The following PPIG variants were observed in gnomAD, a reference collection of about 807,000 sequenced individuals.
PPIG encodes peptidyl-prolyl cis-trans isomerase G.
Under a neutral mutation model 87.9 loss-of-function variants are expected in PPIG, and 26 were observed. The ratio of observed to expected loss-of-function variants is 0.30; its 90% CI spans 0.22 to 0.41. The LOEUF (loss-of-function observed/expected upper bound fraction) is 0.41. PPIG is among the 10% of genes least tolerant of loss of function. PPIG has a pLI of 1.00. For synonymous variants in PPIG, 308 were observed against 276.5 expected (o/e 1.11, Z -1.13); for missense variants, 722 against 879.4 (o/e 0.82, Z 2.26).
At chr2:169,590,124 A>G (rs1684820149) in intron 1 of PPIG, among the ~76,000 whole-genome samples, 1 of 126,358 alleles carries the variant, frequency 7.9e-6, no homozygotes, top group African/African-American at 3.0e-5. Flanking sequence ...AACAACGACA[A>G]CAACCAAAAA....
rs1686175431 is a variant in PPIG at position 169,636,117 on chromosome 2, G to C, written c.1043G>C (p.Arg348Thr). 6.2e-7 allele frequency: 1 copy of C among 1,604,622 alleles called. No homozygotes were observed. The highest frequency in any genetic ancestry group is 8.5e-7 in the Non-Finnish European group (1 of 1,176,898). The change falls in exon 13 of 14, where the codon AGA (arginine) becomes ACA (threonine). Residue 348 changes from arginine (R) to threonine (T), a missense_variant. Arg to Thr is a moderately conservative substitution (Grantham distance 71). Transcript: ENST00000260970. ...CGTTATCGAACTCCTTCCAGATCCAGATCAAGGGATCGTTTCAGACGTAGT... is the reference window on the plus strand; with the variant it reads ...CGTTATCGAACTCCTTCCAGATCCACATCAAGGGATCGTTTCAGACGTAGT... ...PRRYRTPSRS[R>T]SRDRFRRSET...
At chr2:169,593,487 G>T (rs1023937931) in intron 1 of PPIG, among the ~76,000 whole-genome samples, 1 of 152,008 alleles carries the variant, frequency 6.6e-6, no homozygotes, top group Non-Finnish European at 1.5e-5. Context: ...AAGAAAACTA[G>T]AAAGAAGTAG....
Position 169,590,646 on chromosome 2 carries a change from A to AAAAC in PPIG, c.-70+6170_-70+6173dup, listed in dbSNP as rs923157906. ...TGACAGAGGGAGGCTCCCTCTCAGA[A>AAAAC]AAACAAACAAACAAACAGACCTTAG... On this transcript the variant is annotated intron_variant, in intron 1 of 13. Transcript: ENST00000260970. Among the ~76,000 whole-genome samples, 4 of 152,230 alleles carry AAAAC rather than the reference A, an allele frequency of 2.6e-5. 1 individual carries two copies. Among genetic ancestry groups the AAAAC allele is most frequent in the Non-Finnish European group, 2.9e-5 (2 of 67,996 alleles).
intron 1 of PPIG, among the ~76,000 whole-genome samples, chr2:169,602,669 G>A (rs1685217559): frequency 6.6e-6 from 1 of 152,148 alleles, no homozygotes; most frequent in African/African-American, 2.4e-5. Flanking sequence ...TTATACCTGG[G>A]TGGCTCATGT....
At chr2:169,608,179 A>G (rs530931816) in intron 6 of PPIG, among the ~76,000 whole-genome samples, 151 of 152,314 alleles carry the variant, frequency 9.9e-4, no homozygotes, top group Non-Finnish European at 1.9e-3. Context: ...AAAATTAATA[A>G]TATTTGAATC....
chr2:169,618,029 C>G (rs1390873737), intron 9 of PPIG, among the ~76,000 whole-genome samples: 2 of 152,174 alleles, frequency 1.3e-5, no homozygotes, highest in South Asian at 2.1e-4. Context: ...TGTGTTCCCT[C>G]AATACCTAGT....
At chr2:169,591,256 G>T (rs1470165220) in intron 1 of PPIG, among the ~76,000 whole-genome samples, 3 of 152,048 alleles carry the variant, frequency 2.0e-5, no homozygotes, top group African/African-American at 7.2e-5. Flanking sequence ...AAACTACAAG[G>T]ATAAATTTTT....
chr2:169,592,171 G>A (rs1684882357), intron 1 of PPIG, among the ~76,000 whole-genome samples: 1 of 150,048 alleles, frequency 6.7e-6, no homozygotes, highest in South Asian at 2.1e-4. Context: ...AAAATTGTAA[G>A]GGCTTAATTT....
rs114584157 is a variant in PPIG, at chr2:169,637,274, T to C, written c.2016T>C (p.Asn672=). 4.7e-4 allele frequency: 754 copies of C among 1,609,404 alleles called. 7 individuals carry two copies. In the African/African-American group the frequency reaches 9.1e-3, roughly 19 times the overall value. Residue 672 remains asparagine, a synonymous_variant, in exon 14 of 14, where the codon AAT becomes AAC. Transcript: ENST00000260970. ...TGTACTCTAAAAGTCGTGATCATAA[T>C]AGCTCAAATAACAGCAGGGAAAAAA... ...KRMYSKSRDH[N]SSNNSREKKA... is the part of the protein sequence containing the mutation.
chr2:169,622,713 C>A (rs1685788558), intron 9 of PPIG, among the ~76,000 whole-genome samples: 1 of 152,214 alleles, frequency 6.6e-6, no homozygotes, highest in Non-Finnish European at 1.5e-5. Flanking sequence ...TTTGAAAACA[C>A]ACACTTGGGC....
intron 2 of PPIG, 81 bp from the exon 3 acceptor site, chr2:169,603,945 T>A: frequency 9.4e-7 from 1 of 1,064,950 alleles, no homozygotes; most frequent in Admixed American, 2.2e-5. Context: ...TAATATTGTT[T>A]CACAGAATTT....
At chr2:169,628,937 TCCAAAAAAAA>T (rs1685964675) in intron 9 of PPIG, among the ~76,000 whole-genome samples, 1 of 53,374 alleles carries the variant, frequency 1.9e-5, no homozygotes, top group African/African-American at 1.1e-4. Context: ...AGACCCTGTC[TCCAAAAAAAA>T]AAAAAAAAAA....
Position 169,639,350 on chromosome 2 carries a change from G to A in PPIG, c.*1827G>A, listed in dbSNP as rs1264227809. The A allele has an allele frequency of 2.0e-5, 3 of 151,976 alleles. No homozygotes were observed. The highest frequency in any genetic ancestry group is 4.4e-5 in the Non-Finnish European group (3 of 67,920). The allele number at this position is 151,976 out of a possible 1,614,324, so 9.4% of individuals were successfully genotyped here. ...TTTCAGTTAACTGCATTTTAAAATT[G>A]TTGTTATAAACTATTTGAGCTTTAA... On this transcript the variant is annotated 3_prime_UTR_variant, in exon 14 of 14. Transcript: ENST00000260970.
intron 1 of PPIG, 27 bp downstream of exon 1, chr2:169,584,517 C>G: frequency 2.1e-6 from 1 of 470,200 alleles, no homozygotes; most frequent in South Asian, 1.5e-5. Flanking sequence ...TCAAGTTGTT[C>G]TGGCGGCGTC....
chr2:169,606,785 T>G (rs1026462997), intron 5 of PPIG, among the ~76,000 whole-genome samples: 1 of 152,070 alleles, frequency 6.6e-6, no homozygotes, highest in African/African-American at 2.4e-5. Flanking sequence ...TGTAAAAATA[T>G]CAAAACTATA....
At chr2:169,614,871 CTTT>C (rs1281014786) in intron 9 of PPIG, 147 bp downstream of exon 9, 1 of 993,618 alleles carries the variant, frequency 1.0e-6, no homozygotes, top group Non-Finnish European at 1.4e-6. Context: ...TTATTTTTTA[CTTT>C]TTTAAGTTGA....
chr2:169,589,689 C>A (rs115822664), intron 1 of PPIG, among the ~76,000 whole-genome samples: 2,363 of 152,104 alleles, frequency 0.016, 70 homozygotes, highest in African/African-American at 0.054. Context: ...GGAAACAAAA[C>A]ACTTCCTAGT....
At chr2:169,595,436 T>C (rs1684991366) in intron 1 of PPIG, among the ~76,000 whole-genome samples, 1 of 152,238 alleles carries the variant, frequency 6.6e-6, no homozygotes, top group Non-Finnish European at 1.5e-5. Context: ...CTCTTTATTT[T>C]TAAATATACA....
intron 1 of PPIG, among the ~76,000 whole-genome samples, chr2:169,602,888 A>G (rs1418937142): frequency 6.6e-6 from 1 of 152,202 alleles, no homozygotes; most frequent in Non-Finnish European, 1.5e-5. Flanking sequence ...AATAGCCTAG[A>G]TAAGAAATGA....
Sources: allele counts gnomAD v4.1 joint callset (sites outside exome capture counted in the v4.1 genomes callset), GRCh38; gene constraint gnomAD v4.1.1; transcripts MANE v1.5; gene names NCBI Gene and HGNC (gene_info 2026-07-23, HGNC 2026-07-21).